Variants in PJA2 observed in about 807,000 individuals in gnomAD.
The protein encoded by PJA2 is E3 ubiquitin-protein ligase Praja-2.
PJA2 carries 25 observed loss-of-function variants against 69.3 expected under a neutral mutation model. That is an observed-to-expected ratio of 0.36 (90% CI 0.26 to 0.50). The LOEUF is 0.50. Ranked by LOEUF, PJA2 falls within the 20% of genes least tolerant of loss-of-function variation. The pLI is 0.96. For missense variants in PJA2, 809 were observed against 830.2 expected (o/e 0.97, Z 0.31); for synonymous variants, 308 against 277.8 (o/e 1.11, Z -1.08).
intron 1 of PJA2, among the ~76,000 whole-genome samples, chr5:109,392,769 T>TA (rs1465969662): frequency 6.6e-6 from 1 of 152,170 alleles, no homozygotes; most frequent in Non-Finnish European, 1.5e-5. Flanking sequence ...AGGGACAAGA[T>TA]ACGTTTTTTC....
chr5:109,357,036 G>C (rs1762424512), intron 6 of PJA2, among the ~76,000 whole-genome samples: 1 of 151,960 alleles, frequency 6.6e-6, no homozygotes, highest in African/African-American at 2.4e-5. Context: ...TGCTCCCTTG[G>C]AAATTATTAA....
At chr5:109,382,051 A>C (rs1747062341) in intron 2 of PJA2, among the ~76,000 whole-genome samples, 1 of 152,134 alleles carries the variant, frequency 6.6e-6, no homozygotes, top group African/African-American at 2.4e-5. Flanking sequence ...CTTCCAAATT[A>C]AGTACCTTAT....
chr5:109,400,383 C>T (rs778626079), intron 1 of PJA2, among the ~76,000 whole-genome samples: 8 of 147,232 alleles, frequency 5.4e-5, no homozygotes, highest in Non-Finnish European at 8.9e-5. Context: ...AAAACAACAG[C>T]AACAAAAACC....
chr5:109,388,640 A>G (rs1025473542), intron 1 of PJA2, among the ~76,000 whole-genome samples: 5 of 152,234 alleles, frequency 3.3e-5, no homozygotes, highest in Admixed American at 1.3e-4. Flanking sequence ...GCTGGGAGCC[A>G]GAAATAACTC....
At position 109,378,402 on chromosome 5, in the gene PJA2, A is replaced by G; in HGVS notation, c.1085T>C (p.Ile362Thr). 2.5e-6 allele frequency: 4 copies of G among 1,614,124 alleles called. No homozygotes were observed. The highest frequency in any genetic ancestry group is 3.4e-6 in the Non-Finnish European group (4 of 1,179,990). Residue 362 changes from isoleucine to threonine, a missense_variant, in exon 4 of 10, where the codon ATA (isoleucine) becomes ACA (threonine). Physicochemically the swap from Ile to Thr is moderately conservative, Grantham distance 89. Coordinates refer to ENST00000361189, the MANE Select transcript of PJA2 (RefSeq NM_014819.5). ...VEESGSDDLL[I>T]KCEEYDGEHD... ...CTCTCCATCATATTCTTCACATTTT[A>G]TTAAGAGGTCATCTGAGCCACTTTC... is the stretch of plus-strand genomic sequence containing the variant.
chr5:109,336,084 A>G lies in PJA2; in HGVS notation c.*1147T>C, dbSNP rs1287951584. 1.3e-5 allele frequency: 2 copies of G among 152,638 alleles called. No homozygotes were observed. The highest frequency in any genetic ancestry group is 1.3e-4 in the Admixed American group (2 of 15,292). 9.5% of individuals were successfully genotyped at this position (152,638 alleles called of 1,614,324 possible). On this transcript the variant is annotated 3_prime_UTR_variant, in exon 10 of 10. Coordinates refer to ENST00000361189, the MANE Select transcript of PJA2 (RefSeq NM_014819.5). The stretch of plus-strand genomic sequence containing the variant: ...GATGTAACTCTGCATTTGGGAAGCC[A>G]TATAAATATTCCTTTTATGTGCCCA...
At chr5:109,354,823 T>C (rs886398918) in intron 7 of PJA2, among the ~76,000 whole-genome samples, 8 of 151,274 alleles carry the variant, frequency 5.3e-5, no homozygotes, top group South Asian at 4.2e-4. Context: ...CAATCTAAAC[T>C]AGACTTTCTG....
intron 5 of PJA2, among the ~76,000 whole-genome samples, chr5:109,365,416 T>A (rs1469170421): frequency 1.3e-5 from 2 of 152,196 alleles, no homozygotes; most frequent in African/African-American, 4.8e-5. Flanking sequence ...CACATATGTC[T>A]ACACAATGTG....
chr5:109,392,522 A>G lies in PJA2; in HGVS notation c.-87-9002T>C, dbSNP rs188655216. On this transcript the variant is annotated intron_variant, in intron 1 of 9. Transcript: ENST00000361189. ...GTTGCAGTGAGCCAAGACTGCCCCA[A>G]TGCACTCCAGCCTGGGCAACAGAGC... 2.1e-3 allele frequency among the ~76,000 whole-genome samples: 306 copies of G among 146,660 alleles called. 3 individuals carry two copies. Among genetic ancestry groups the G allele is most frequent in the East Asian group, 5.5e-3 (28 of 5,048 alleles).
intron 1 of PJA2, among the ~76,000 whole-genome samples, chr5:109,408,743 G>A (rs1747751945): frequency 6.6e-6 from 1 of 152,106 alleles, no homozygotes; most frequent in Admixed American, 6.6e-5. Flanking sequence ...AAAATTAAGT[G>A]GTCATCTCAT....
intron 6 of PJA2, among the ~76,000 whole-genome samples, chr5:109,361,607 T>C (rs1762507083): frequency 6.6e-6 from 1 of 152,006 alleles, no homozygotes; most frequent in African/African-American, 2.4e-5. Context: ...AAAAAGGTAA[T>C]GGGGAGACAC....
At chr5:109,381,854 T>G in intron 2 of PJA2, 151 bp from the exon 3 acceptor site, 1 of 633,836 alleles carries the variant, frequency 1.6e-6, no homozygotes, top group Non-Finnish European at 2.7e-6. Context: ...TATAAAACAT[T>G]ATTCTTCACA....
chr5:109,402,659 CA>C (rs1348796194), intron 1 of PJA2, among the ~76,000 whole-genome samples: 1 of 152,126 alleles, frequency 6.6e-6, no homozygotes, highest in Non-Finnish European at 1.5e-5. Flanking sequence ...CAAGCATCAT[CA>C]ATCAACTTGA....
chr5:109,400,803 C>T (rs1320927217), intron 1 of PJA2, among the ~76,000 whole-genome samples: 2 of 151,780 alleles, frequency 1.3e-5, no homozygotes, highest in Non-Finnish European at 2.9e-5. Context: ...CATGGTGAAA[C>T]CCCGTCTCTA....
intron 7 of PJA2, among the ~76,000 whole-genome samples, chr5:109,345,531 A>C (rs1016269146): frequency 1.3e-5 from 2 of 151,868 alleles, no homozygotes; most frequent in East Asian, 1.9e-4. Context: ...AAAAAAAAAA[A>C]AAACTACCTT....
chr5:109,403,559 A>T (rs1747611803), intron 1 of PJA2, among the ~76,000 whole-genome samples: 1 of 148,010 alleles, frequency 6.8e-6, no homozygotes, highest in Admixed American at 6.8e-5. Flanking sequence ...CATAGATGCA[A>T]AAAAAAAAAA....
In PJA2 at chr5:109,350,820, T is replaced by C. The variant is rs569068610; in HGVS notation, c.1764+5095A>G. On this transcript the variant is annotated intron_variant, in intron 7 of 9. Coordinates refer to ENST00000361189, the MANE Select transcript of PJA2 (RefSeq NM_014819.5). ...TATACCTGGGTGTATACAGGTGCTATTGTGAGTATGTAAAGACTTTACAAG... is the reference window on the plus strand; with the variant it reads ...TATACCTGGGTGTATACAGGTGCTACTGTGAGTATGTAAAGACTTTACAAG... Among the ~76,000 whole-genome samples, 63 of 152,224 alleles carry C rather than the reference T, an allele frequency of 4.1e-4. No homozygotes were observed. In the South Asian group the frequency reaches 0.012, roughly 29 times the overall value.
At chr5:109,348,369 T>A (rs1198955614) in intron 7 of PJA2, among the ~76,000 whole-genome samples, 1 of 152,170 alleles carries the variant, frequency 6.6e-6, no homozygotes, top group Non-Finnish European at 1.5e-5. Flanking sequence ...AATGTAATTG[T>A]GTGGATTGCT....
intron 3 of PJA2, among the ~76,000 whole-genome samples, chr5:109,379,817 A>G (rs965909672): frequency 7.9e-5 from 12 of 152,204 alleles, no homozygotes; most frequent in Non-Finnish European, 1.5e-4. Flanking sequence ...TACATTTGTA[A>G]TAAGTTTACT....
Sources: gnomAD v4.1 joint callset for allele counts (sites outside exome capture counted in the v4.1 genomes callset) on GRCh38, gnomAD v4.1.1 for gene constraint, MANE v1.5 for transcripts, NCBI Gene and HGNC (gene_info 2026-07-23, HGNC 2026-07-21) for gene names.